The following CEP170 variants were observed in gnomAD, a reference collection of about 807,000 sequenced individuals.
CEP170 encodes centrosomal protein 170.
In CEP170, 21 loss-of-function variants were observed where a neutral mutation model predicts 151.9. The ratio of observed to expected loss-of-function variants is 0.14; its 90% CI spans 0.10 to 0.20. The LOEUF (loss-of-function observed/expected upper bound fraction) is 0.20. CEP170 is among the 10% of genes least tolerant of loss of function. The pLI is 1.00. For synonymous variants in CEP170, 356 were observed against 648.8 expected (o/e 0.55, Z 6.86); for missense variants, 964 against 1,892.9 (o/e 0.51, Z 9.11).
chr1:243,195,517 G>A (rs536948917), intron 7 of CEP170, among the ~76,000 whole-genome samples: 144 of 151,864 alleles, frequency 9.5e-4, no homozygotes, highest in Non-Finnish European at 1.3e-3. Flanking sequence ...CCCACAGAGA[G>A]GAACGTTAAA....
At chr1:243,163,365 T>G (rs2058213941) in intron 13 of CEP170, 1 of 152,202 alleles carries the variant, frequency 6.6e-6, no homozygotes, top group Admixed American at 6.5e-5. Flanking sequence ...CGTCCACATA[T>G]GAGGCTCATT....
intron 15 of CEP170, among the ~76,000 whole-genome samples, chr1:243,142,067 A>T (rs1413780091): frequency 6.6e-6 from 1 of 152,264 alleles, no homozygotes; most frequent in East Asian, 1.9e-4. Flanking sequence ...GCTATGGACC[A>T]AGAATTAGCA....
chr1:243,179,170 C>A (rs2059455709), intron 10 of CEP170, among the ~76,000 whole-genome samples: 1 of 152,186 alleles, frequency 6.6e-6, no homozygotes, highest in Non-Finnish European at 1.5e-5. Flanking sequence ...ACATCTTTCT[C>A]GATTTGCTCT....
intron 8 of CEP170, among the ~76,000 whole-genome samples, chr1:243,187,948 CAT>C (rs1486318732): frequency 2.6e-5 from 4 of 151,970 alleles, no homozygotes; most frequent in Non-Finnish European, 5.9e-5. Flanking sequence ...CTATAAAAAT[CAT>C]ATATGACAAC....
chr1:243,242,770 G>A (rs1485964162), intron 1 of CEP170, among the ~76,000 whole-genome samples: 3 of 151,530 alleles, frequency 2.0e-5, no homozygotes, highest in East Asian at 3.9e-4. Context: ...GCGCAATCTC[G>A]GCTCACTGCA....
intron 8 of CEP170, among the ~76,000 whole-genome samples, chr1:243,188,142 T>A (rs1269491914): frequency 6.6e-6 from 1 of 152,120 alleles, no homozygotes; most frequent in Non-Finnish European, 1.5e-5. Context: ...AACACTAGAT[T>A]TTACAACCTA....
rs146225443 is a variant in CEP170, at chr1:243,228,567, C to T, written c.-41-3246G>A. On this transcript the variant is annotated intron_variant, in intron 1 of 19. Coordinates refer to ENST00000366542, the MANE Select transcript of CEP170 (RefSeq NM_014812.3). ...ATTTGCATACTGTATTTTCAGGGGA[C>T]GATTTTAAAACACAACATGAATAAA... Among the ~76,000 whole-genome samples, 684 of 152,162 alleles carry T rather than the reference C, an allele frequency of 4.5e-3. 2 individuals carry two copies. Among genetic ancestry groups the T allele is most frequent in the African/African-American group, 0.015 (642 of 41,522 alleles).
chr1:243,131,557 G>A (rs2054414746), intron 17 of CEP170, among the ~76,000 whole-genome samples: 1 of 151,794 alleles, frequency 6.6e-6, no homozygotes. Context: ...GATCTAAGAA[G>A]TCAAACTTGT....
chr1:243,148,351 A>T (rs2056736065), intron 14 of CEP170, among the ~76,000 whole-genome samples: 1 of 151,952 alleles, frequency 6.6e-6, no homozygotes. Context: ...TGGGCGGATC[A>T]CCTGAGCTCA....
At position 243,198,538 on chromosome 1, in the gene CEP170, T is replaced by C. The variant is rs145979055; in HGVS notation, c.631+522A>G. On this transcript the variant is annotated intron_variant, in intron 7 of 19. Transcript: ENST00000366542. ...AAATATGATTAAGCTGGACATGAGA[T>C]GGTGTGTGCCATAATCTCAGCTCCT... is the stretch of plus-strand genomic sequence containing the variant. Among the ~76,000 whole-genome samples, 17 of 152,200 alleles carry C rather than the reference T, an allele frequency of 1.1e-4. No homozygotes were observed. In the East Asian group the frequency reaches 2.9e-3, roughly 26 times the overall value.
rs1431734018 is a variant in CEP170, at chr1:243,199,072, C to T, written c.619G>A (p.Ala207Thr). 6.2e-7 allele frequency: 1 copy of T among 1,610,744 alleles called. No homozygotes were observed. Among genetic ancestry groups the T allele is most frequent in the Non-Finnish European group, 8.5e-7 (1 of 1,178,302 alleles). ...NGKPEEKNHEAGTSGCGIDAK... is the reference protein window; with the variant it reads ...NGKPEEKNHETGTSGCGIDAK... ...GAGATTTTTTTACCTGATGTTCCAG[C>T]TTCATGGTTTTTTTCTTCAGGTTTG... Residue 207 changes from alanine to threonine, a missense_variant, in exon 7 of 20, where the codon GCT (alanine) becomes ACT (threonine). Physicochemically the swap from Ala to Thr is moderately conservative, Grantham distance 58 (BLOSUM62 0). Transcript: ENST00000366542.
At chr1:243,206,805 A>G (rs2061452050) in intron 4 of CEP170, among the ~76,000 whole-genome samples, 1 of 152,252 alleles carries the variant, frequency 6.6e-6, no homozygotes, top group African/African-American at 2.4e-5. Flanking sequence ...TCAAGACGAA[A>G]GTATACTGTT....
Position 243,165,541 on chromosome 1 carries a change from T to C in CEP170, c.2419A>G (p.Ser807Gly). The C allele has an allele frequency of 6.2e-7, 1 of 1,613,504 alleles. No homozygotes were observed. Among genetic ancestry groups the C allele is most frequent in the Non-Finnish European group, 8.5e-7 (1 of 1,179,768 alleles). ...ATTTCCTCAGCTTTTCTTCTCTTGC[T>C]CTCACTTTGTGCCACTCTGTCTCCT... The part of the protein sequence containing the change: ...SKGDRVAQSE[S>G]KRRKAEEILK... The change falls in exon 13 of 20, where the codon AGC becomes GGC. Residue 807 changes from serine (S) to glycine (G), a missense_variant. Ser to Gly is a moderately conservative substitution (Grantham distance 56). Transcript: ENST00000366542.
chr1:243,202,358 T>TA (rs1334641827), intron 4 of CEP170, among the ~76,000 whole-genome samples: 5 of 152,102 alleles, frequency 3.3e-5, no homozygotes, highest in Non-Finnish European at 7.4e-5. Context: ...GTACAGTGTA[T>TA]ACTACTCAGG....
chr1:243,235,092 A>G (rs1009651806), intron 1 of CEP170, among the ~76,000 whole-genome samples: 2 of 152,218 alleles, frequency 1.3e-5, no homozygotes, highest in African/African-American at 4.8e-5. Context: ...AGTAAGCACT[A>G]TAAGATACTG....
At chr1:243,245,559 C>T (rs2065298143) in intron 1 of CEP170, among the ~76,000 whole-genome samples, 1 of 151,910 alleles carries the variant, frequency 6.6e-6, no homozygotes, top group South Asian at 2.1e-4. Flanking sequence ...ACTAAAAATA[C>T]AAAAATTAGC....
chr1:243,183,942 T>G (rs1451402249), intron 10 of CEP170, among the ~76,000 whole-genome samples: 1 of 151,832 alleles, frequency 6.6e-6, no homozygotes, highest in Non-Finnish European at 1.5e-5. Context: ...TCCTGAAGAG[T>G]TTCATCTGCT....
intron 2 of CEP170, among the ~76,000 whole-genome samples, chr1:243,222,790 G>A (rs954528089): frequency 1.6e-4 from 24 of 152,142 alleles, no homozygotes; most frequent in Admixed American, 6.5e-5. Context: ...GAGGTCACAA[G>A]GCAAATTACC....
intron 1 of CEP170, among the ~76,000 whole-genome samples, chr1:243,249,202 G>A (rs1429140259): frequency 6.6e-6 from 1 of 152,060 alleles, no homozygotes; most frequent in African/African-American, 2.4e-5. Flanking sequence ...GAGGAAAGAG[G>A]ATCACTTAAG....
Sources: gnomAD v4.1 joint callset for allele counts (sites outside exome capture counted in the v4.1 genomes callset) on GRCh38, gnomAD v4.1.1 for gene constraint, MANE v1.5 for transcripts, NCBI Gene and HGNC (gene_info 2026-07-23, HGNC 2026-07-21) for gene names.